SPMIP11: variants seen among roughly 807,000 people sequenced by gnomAD.
SPMIP11 encodes the protein sperm microtubule inner protein 11, also known as long intergenic non-protein coding RNA 935.
chr12:48,746,363 T>C, the SPMIP11 span, among the ~76,000 whole-genome samples: 1 of 139,848 alleles, frequency 7.2e-6, no homozygotes, highest in East Asian at 2.0e-4. Context: ...ATAATTCCTT[T>C]TTTTTTTTTT....
chr12:48,771,256 T>C, the SPMIP11 span: 13 of 507,140 alleles, frequency 2.6e-5, no homozygotes, highest in East Asian at 4.6e-4. This position sits in a 1 kb window ranked among gnomAD's most constrained non-coding sequence, Gnocchi z 4.3. Flanking sequence ...CCTTACCTTT[T>C]GGGATACTGA....
chr12:48,736,034 T>C, the SPMIP11 span: 4 of 439,348 alleles, frequency 9.1e-6, no homozygotes, highest in South Asian at 6.5e-5. Flanking sequence ...AAAGTTTCAC[T>C]GCTAAGCCAA....
chr12:48,766,571 A>C, the SPMIP11 span: 2 of 152,630 alleles, frequency 1.3e-5, no homozygotes, highest in Non-Finnish European at 2.9e-5. Context: ...AGGGGAGTAG[A>C]TTTTCTGTCT....
chr12:48,730,344 G>A, the SPMIP11 span, among the ~76,000 whole-genome samples: 13 of 152,096 alleles, frequency 8.5e-5, no homozygotes, highest in Non-Finnish European at 1.9e-4. Flanking sequence ...GGCCAAACCT[G>A]TGGAATGTAA....
At chr12:48,746,492 A>G in the SPMIP11 span, among the ~76,000 whole-genome samples, 1 of 149,340 alleles carries the variant, frequency 6.7e-6, no homozygotes, top group Admixed American at 6.8e-5. Flanking sequence ...TCAGCCTCCT[A>G]AGTAGCTGGG....
chr12:48,768,739 C>G, the SPMIP11 span: 1 of 1,611,866 alleles, frequency 6.2e-7, no homozygotes, highest in South Asian at 1.1e-5. Flanking sequence ...GAGGGGAGCC[C>G]GCTTAGCCTG....
At chr12:48,733,848 G>A in the SPMIP11 span, among the ~76,000 whole-genome samples, 3 of 134,238 alleles carry the variant, frequency 2.2e-5, no homozygotes, top group Non-Finnish European at 4.5e-5. Context: ...TCCGCTCACT[G>A]CAACCTCCAC....
the SPMIP11 span, among the ~76,000 whole-genome samples, chr12:48,739,343 T>C: frequency 3.3e-5 from 5 of 152,154 alleles, no homozygotes; most frequent in Non-Finnish European, 7.3e-5. Flanking sequence ...CTCTGGGTAT[T>C]GGTTATATGT....
At chr12:48,759,885 C>A in the SPMIP11 span, among the ~76,000 whole-genome samples, 2 of 152,114 alleles carry the variant, frequency 1.3e-5, no homozygotes, top group African/African-American at 4.8e-5. Flanking sequence ...CAGCTCACTG[C>A]AACCTCTGCC....
chr12:48,764,916 G>T, the SPMIP11 span: 1,182 of 702,976 alleles, frequency 1.7e-3, 18 homozygotes, highest in South Asian at 0.017. Context: ...GTGGTCCCAT[G>T]ATCCAGGAGT....
the SPMIP11 span, among the ~76,000 whole-genome samples, chr12:48,762,549 G>T: frequency 6.6e-6 from 1 of 150,742 alleles, no homozygotes; most frequent in African/African-American, 2.4e-5. Flanking sequence ...TGTATTTTTA[G>T]TAGAGACGAG....
At chr12:48,756,292 C>A in the SPMIP11 span, among the ~76,000 whole-genome samples, 1 of 152,086 alleles carries the variant, frequency 6.6e-6, no homozygotes, top group Non-Finnish European at 1.5e-5. Context: ...GTTGCTATAA[C>A]CTGTGATGAA....
At chr12:48,728,663 G>A in the SPMIP11 span, among the ~76,000 whole-genome samples, 3 of 141,450 alleles carry the variant, frequency 2.1e-5, no homozygotes, top group East Asian at 6.3e-4. Context: ...AGCTGAAATC[G>A]AGCCACTGCA....
At chr12:48,754,977 G>A in the SPMIP11 span, among the ~76,000 whole-genome samples, 1 of 149,670 alleles carries the variant, frequency 6.7e-6, no homozygotes, top group African/African-American at 2.6e-5. Flanking sequence ...TAATCTAGAA[G>A]GTAGATTTCT....
the SPMIP11 span, among the ~76,000 whole-genome samples, chr12:48,741,069 CTTTTTTTTTTT>C: frequency 3.6e-5 from 4 of 112,514 alleles, no homozygotes; most frequent in East Asian, 6.9e-4. Flanking sequence ...ATGATATTGA[CTTTTTTTTTTT>C]TTTTTTTTTT....
At chr12:48,762,333 C>A in the SPMIP11 span, among the ~76,000 whole-genome samples, 3 of 135,800 alleles carry the variant, frequency 2.2e-5, no homozygotes, top group Non-Finnish European at 4.6e-5. Context: ...GCTGGGATTA[C>A]AGGCGTGAGC....
At chr12:48,729,257 C>T in the SPMIP11 span, among the ~76,000 whole-genome samples, 1,358 of 152,068 alleles carry the variant, frequency 8.9e-3, 9 homozygotes, top group Non-Finnish European at 0.011. Flanking sequence ...AAAAAAGAGC[C>T]GGGCGCGGTG....
chr12:48,762,032 C>A, the SPMIP11 span, among the ~76,000 whole-genome samples: 2 of 146,608 alleles, frequency 1.4e-5, no homozygotes, highest in Non-Finnish European at 3.0e-5. Context: ...TCTTATATAA[C>A]ACTCTTATAA....
the SPMIP11 span, among the ~76,000 whole-genome samples, chr12:48,763,580 C>T: frequency 1.3e-5 from 2 of 151,854 alleles, no homozygotes; most frequent in Non-Finnish European, 2.9e-5. Context: ...ATTATAAACA[C>T]TATATAGCAA....
Sources: allele counts gnomAD v4.1 joint callset (sites outside exome capture counted in the v4.1 genomes callset), GRCh38; gene constraint gnomAD v4.1.1; non-coding constraint Gnocchi (gnomAD v3.1); transcripts MANE v1.5; gene names NCBI Gene and HGNC (gene_info 2026-07-23, HGNC 2026-07-21).